Variants in DTNBP1 observed in about 807,000 individuals in gnomAD.
DTNBP1 encodes dysbindin.
Under a neutral mutation model 42.8 loss-of-function variants are expected in DTNBP1, and 35 were observed. That is an observed-to-expected ratio of 0.82 (90% CI 0.63 to 1.09). The LOEUF (loss-of-function observed/expected upper bound fraction) is 1.09. Ranked by LOEUF, DTNBP1 falls within the 50% of genes least tolerant of loss-of-function variation. DTNBP1 has a pLI of 0.00. For synonymous variants in DTNBP1, 171 were observed against 162.2 expected (o/e 1.05, Z -0.41); for missense variants, 457 against 424.2 (o/e 1.08, Z -0.68).
At chr6:15,546,507 T>A (rs1449471404) in intron 7 of DTNBP1, among the ~76,000 whole-genome samples, 2 of 152,144 alleles carry the variant, frequency 1.3e-5, no homozygotes, top group Admixed American at 1.3e-4. Flanking sequence ...ACCTTTTGAG[T>A]TAGACAATGA....
chr6:15,645,106 T>C (rs757421747), intron 3 of DTNBP1, among the ~76,000 whole-genome samples: 1 of 151,980 alleles, frequency 6.6e-6, no homozygotes, highest in Non-Finnish European at 1.5e-5. Flanking sequence ...ACATCATAAC[T>C]GACACCACAG....
rs775997143 is a variant in DTNBP1 at position 15,524,532 on chromosome 6, C to T, written c.805G>A (p.Ala269Thr). ...GCAAGTTTGTCAACCCTACCTAAGG[C>T]GGGGGACAGCACAGTGTTCTCTTCT... is the stretch of plus-strand genomic sequence containing the variant. ...GGEENTVLSP[A>T]LGPESSTCQN... The change falls in exon 9 of 10, where the codon GCC (alanine) becomes ACC (threonine). Residue 269 changes from alanine (A) to threonine (T), a missense_variant. Physicochemically the swap from Ala to Thr is moderately conservative, Grantham distance 58. Transcript: ENST00000344537. 1.6e-5 allele frequency: 26 copies of T among 1,606,884 alleles called. No individual in the cohort carries two copies. Among genetic ancestry groups the T allele is most frequent in the African/African-American group, 1.2e-4 (9 of 74,760 alleles).
intron 5 of DTNBP1, among the ~76,000 whole-genome samples, chr6:15,623,373 T>C (rs1170140708): frequency 1.3e-5 from 2 of 152,198 alleles, no homozygotes; most frequent in African/African-American, 2.4e-5. Context: ...TATCTAAGAA[T>C]TCTTATCTAA....
chr6:15,578,066 AAG>A (rs1775658520), intron 7 of DTNBP1, among the ~76,000 whole-genome samples: 3 of 152,336 alleles, frequency 2.0e-5, no homozygotes, highest in South Asian at 2.1e-4. Context: ...GATGGTGCAG[AAG>A]AGAGAGGACA....
At chr6:15,530,331 G>C (rs1346271370) in intron 8 of DTNBP1, among the ~76,000 whole-genome samples, 1 of 152,142 alleles carries the variant, frequency 6.6e-6, no homozygotes. Flanking sequence ...TAGCTCAAGA[G>C]AAAGCTAAAA....
At chr6:15,637,927 T>C in intron 3 of DTNBP1, 123 bp from the exon 4 acceptor site, 1 of 1,058,076 alleles carries the variant, frequency 9.5e-7, no homozygotes, top group East Asian at 2.4e-5. Context: ...AATGGGGACA[T>C]GTTGCAAGGA....
intron 3 of DTNBP1, among the ~76,000 whole-genome samples, chr6:15,649,777 ACCG>A (rs1420777364): frequency 1.3e-5 from 2 of 152,194 alleles, no homozygotes. Context: ...CATTATTGAC[ACCG>A]TCTTACGGAT....
chr6:15,633,756 A>G (rs1285372879), intron 4 of DTNBP1, among the ~76,000 whole-genome samples: 1 of 152,172 alleles, frequency 6.6e-6, no homozygotes, highest in East Asian at 1.9e-4. Context: ...CCCAACCTTC[A>G]GTAACCACCA....
intron 7 of DTNBP1, among the ~76,000 whole-genome samples, chr6:15,560,845 A>G (rs768314720): frequency 2.6e-5 from 4 of 152,222 alleles, no homozygotes; most frequent in Non-Finnish European, 4.4e-5. Flanking sequence ...CAAACCTTTA[A>G]TAAGAAGTCT....
intron 6 of DTNBP1, among the ~76,000 whole-genome samples, chr6:15,608,663 C>T (rs1050089250): frequency 6.6e-6 from 1 of 152,214 alleles, no homozygotes; most frequent in Non-Finnish European, 1.5e-5. Flanking sequence ...GACAAAGTGT[C>T]CACATCCACC....
intron 6 of DTNBP1, among the ~76,000 whole-genome samples, chr6:15,594,084 G>A (rs927425477): frequency 2.0e-5 from 3 of 152,256 alleles, no homozygotes; most frequent in Non-Finnish European, 2.9e-5. Context: ...ATCCCACTCC[G>A]TTTTTTCCTA....
intron 3 of DTNBP1, among the ~76,000 whole-genome samples, chr6:15,650,429 C>T (rs1202027005): frequency 1.3e-5 from 2 of 152,038 alleles, no homozygotes; most frequent in African/African-American, 2.4e-5. Flanking sequence ...TGCAGGCATG[C>T]ACCACCAGGC....
At position 15,524,596 on chromosome 6, in the gene DTNBP1, C is replaced by T. The variant is rs886061224; in HGVS notation, c.741G>A (p.Ser247=). The change falls in exon 9 of 10, where the codon TCG becomes TCA. Residue 247 remains serine, a synonymous_variant. Transcript: ENST00000344537. ...GGAAGACGTCCAGGGCCTCCTGGTC[C>T]GATATGTCCATCAGGTCCATCTGCT... ...MLEQMDLMDI[S]DQEALDVFLN... is the part of the protein sequence containing the mutation. The T allele has an allele frequency of 4.6e-5, 74 of 1,613,388 alleles. No individual in the cohort carries two copies. In the East Asian group the frequency reaches 5.3e-4, roughly 12 times the overall value.
chr6:15,567,374 G>A (rs1006916216), intron 7 of DTNBP1, among the ~76,000 whole-genome samples: 2 of 152,050 alleles, frequency 1.3e-5, no homozygotes, highest in Non-Finnish European at 2.9e-5. Context: ...GATTGCTTAA[G>A]CCTAGGAGTT....
intron 6 of DTNBP1, among the ~76,000 whole-genome samples, chr6:15,594,210 C>A (rs901937048): frequency 6.6e-6 from 1 of 152,118 alleles, no homozygotes; most frequent in African/African-American, 2.4e-5. Context: ...TGCCTGTAAT[C>A]CCAGCACTTT....
chr6:15,523,566 T>TTC, intron 9 of DTNBP1: 2 of 1,235,142 alleles, frequency 1.6e-6, no homozygotes, highest in Non-Finnish European at 2.1e-6. Context: ...AGATTTCTTT[T>TTC]TTTTTTTTTT....
At chr6:15,639,206 TG>T (rs1334854450) in intron 3 of DTNBP1, among the ~76,000 whole-genome samples, 1 of 152,248 alleles carries the variant, frequency 6.6e-6, no homozygotes, top group Non-Finnish European at 1.5e-5. Flanking sequence ...GTTAATTTTC[TG>T]GTTTGATCAT....
intron 7 of DTNBP1, chr6:15,585,900 C>G: frequency 7.0e-7 from 1 of 1,424,780 alleles, no homozygotes; most frequent in Non-Finnish European, 9.2e-7. Flanking sequence ...CAGGTTTTTC[C>G]AAAGAAATTG....
intron 7 of DTNBP1, among the ~76,000 whole-genome samples, chr6:15,544,315 A>G (rs1441669904): frequency 2.6e-5 from 4 of 152,112 alleles, no homozygotes; most frequent in Admixed American, 6.5e-5. Context: ...TTAACCATTC[A>G]CCCACTGAAT....
Sources: gnomAD v4.1 joint callset for allele counts (sites outside exome capture counted in the v4.1 genomes callset) on GRCh38, gnomAD v4.1.1 for gene constraint, MANE v1.5 for transcripts, NCBI Gene and HGNC (gene_info 2026-07-23, HGNC 2026-07-21) for gene names.